CHORDC1: variants seen among roughly 807,000 people sequenced by gnomAD.
CHORDC1 encodes cysteine and histidine rich domain containing 1, also known as cysteine and histidine-rich domain-containing protein 1.
In CHORDC1, 25 loss-of-function variants were observed where a neutral mutation model predicts 48.3. The ratio of observed to expected loss-of-function variants is 0.52; its 90% CI spans 0.38 to 0.72. CHORDC1 has a LOEUF of 0.72. Among genes scored for constraint, CHORDC1 ranks in the 30% least tolerant of loss-of-function variants. The probability of loss-of-function intolerance (pLI) is 0.00; values close to 1 mark genes in which losing one functional copy is unlikely to be tolerated. For synonymous variants in CHORDC1, 128 were observed against 126.4 expected (o/e 1.01, Z -0.09); for missense variants, 317 against 388.7 (o/e 0.82, Z 1.55).
At chr11:90,217,917 G>T in intron 2 of CHORDC1, 2 of 281,746 alleles carry the variant, frequency 7.1e-6, no homozygotes, top group Non-Finnish European at 1.3e-5. Context: ...AAAAAACCCA[G>T]AATTAAAATA....
intron 3 of CHORDC1, among the ~76,000 whole-genome samples, chr11:90,214,858 G>GAT (rs1022867956): frequency 2.0e-5 from 3 of 151,990 alleles, no homozygotes; most frequent in Non-Finnish European, 4.4e-5. Context: ...CAGCATCTTA[G>GAT]ATAAAACTTT....
At chr11:90,206,665 A>G in intron 6 of CHORDC1, 1 of 570,896 alleles carries the variant, frequency 1.8e-6, no homozygotes, top group Non-Finnish European at 2.8e-6. Context: ...GTCAAATAAT[A>G]TGAGAAATCT....
At chr11:90,214,505 G>A (rs895745564) in intron 3 of CHORDC1, among the ~76,000 whole-genome samples, 3 of 151,606 alleles carry the variant, frequency 2.0e-5, no homozygotes, top group South Asian at 2.1e-4. Context: ...TCTGTTACTC[G>A]AAAGGCCTCA....
At chr11:90,219,948 T>C (rs1807010205) in intron 1 of CHORDC1, among the ~76,000 whole-genome samples, 1 of 152,240 alleles carries the variant, frequency 6.6e-6, no homozygotes, top group Non-Finnish European at 1.5e-5. Context: ...TTCAATGCTC[T>C]ACAACAACCT....
Position 90,201,023 on chromosome 11 carries a change from C to T in CHORDC1, c.*1382G>A, listed in dbSNP as rs1346927372. 2 of 151,870 alleles carry T rather than the reference C, an allele frequency of 1.3e-5. No homozygotes were observed. The highest frequency in any genetic ancestry group is 2.9e-5 in the Non-Finnish European group (2 of 67,828). 9.4% of individuals were successfully genotyped at this position (151,870 alleles called of 1,614,324 possible). ...CATCATGAAAGTCTGGTTGCCAGAT[C>T]TTTATGTTTTTATTTGTAACAGAGC... On this transcript the variant is annotated 3_prime_UTR_variant, in exon 11 of 11. Transcript: ENST00000320585.
Position 90,200,600 on chromosome 11 carries a change from C to T in CHORDC1, c.*1805G>A, listed in dbSNP as rs1327008914. On this transcript the variant is annotated 3_prime_UTR_variant, in exon 11 of 11. Transcript: ENST00000320585. ...AGGCTCCTTAAGAAGAAAGTAAATA[C>T]CATGGTCACTAATGTAACCAGACTA... Among the ~76,000 whole-genome samples the T allele has an allele frequency of 6.6e-6, 1 of 151,852 alleles. No individual in the cohort carries two copies. Among genetic ancestry groups the T allele is most frequent in the Non-Finnish European group, 1.5e-5 (1 of 67,854 alleles).
intron 9 of CHORDC1, 82 bp from the exon 10 acceptor site, chr11:90,202,957 G>T: frequency 7.0e-7 from 1 of 1,427,182 alleles, no homozygotes; most frequent in South Asian, 1.4e-5. Flanking sequence ...AAATAAGACT[G>T]ACAAAAATGA....
chr11:90,222,728 C>T (rs1858206825), intron 1 of CHORDC1, 163 bp downstream of exon 1: 2 of 730,834 alleles, frequency 2.7e-6, no homozygotes, highest in East Asian at 2.7e-5. Context: ...AACAGAGGGG[C>T]GGCCGGCGGG....
In CHORDC1 at chr11:90,205,494, G is replaced by A; in HGVS notation, c.635C>T (p.Thr212Ile). ...TTTAGTCCACATGTGTTTCCCTTTTGTACAGCCCTCTTGGGCTAAGAATGT... is the reference window on the plus strand; with the variant it reads ...TTTAGTCCACATGTGTTTCCCTTTTATACAGCCCTCTTGGGCTAAGAATGT... ...FNTFLAQEGCTKGKHMWTKKD... is the reference protein window; with the variant it reads ...FNTFLAQEGCIKGKHMWTKKD... Residue 212 changes from threonine to isoleucine, a missense_variant, in exon 8 of 11, where the codon ACA (threonine) becomes ATA (isoleucine). By Grantham distance (89) the Thr-to-Ile change is moderately conservative. Coordinates refer to ENST00000320585, the MANE Select transcript of CHORDC1 (RefSeq NM_012124.3). 1 of 1,607,162 alleles carries A rather than the reference G, an allele frequency of 6.2e-7. No individual in the cohort carries two copies. Among genetic ancestry groups the A allele is most frequent in the South Asian group, 1.1e-5 (1 of 89,192 alleles).
At chr11:90,218,819 C>T (rs1433516375) in intron 1 of CHORDC1, among the ~76,000 whole-genome samples, 2 of 152,102 alleles carry the variant, frequency 1.3e-5, no homozygotes, top group African/African-American at 2.4e-5. Flanking sequence ...CTCTGCCTGG[C>T]GGCAGCCCTG....
intron 1 of CHORDC1, chr11:90,222,575 C>A: frequency 3.4e-6 from 2 of 585,698 alleles, no homozygotes; most frequent in South Asian, 3.1e-5. Context: ...AGAGGAGAAA[C>A]GTGTTCGTTC....
intron 2 of CHORDC1, 105 bp downstream of exon 2, chr11:90,218,027 TAAG>T (rs888345537): frequency 5.3e-6 from 4 of 759,868 alleles, no homozygotes; most frequent in Non-Finnish European, 6.0e-6. Flanking sequence ...CAAAGGTCAT[TAAG>T]AAGAAAGTCA....
chr11:90,222,804 G>A, intron 1 of CHORDC1, 87 bp downstream of exon 1: 3 of 1,226,988 alleles, frequency 2.4e-6, no homozygotes, highest in Non-Finnish European at 3.6e-6. Flanking sequence ...GACGGCTGCA[G>A]GAGATCCGCG....
intron 1 of CHORDC1, chr11:90,222,551 G>C: frequency 1.9e-6 from 1 of 524,104 alleles, no homozygotes; most frequent in South Asian, 1.6e-5. Context: ...TGCTTCCCCA[G>C]AGACTGGAGG....
In CHORDC1 at chr11:90,222,824, C is replaced by T. The variant is rs575262803; in HGVS notation, c.64+67G>A. ...CTGCAGGAGATCCGCGGACACCCTC[C>T]GGCCCAAAGGGCCTCCCCTGCTGAT... On this transcript the variant is annotated intron_variant, in intron 1 of 10. Coordinates refer to ENST00000320585, the MANE Select transcript of CHORDC1 (RefSeq NM_012124.3). The T allele has an allele frequency of 7.1e-5, 101 of 1,427,108 alleles. 2 individuals are homozygous for T. Among genetic ancestry groups the T allele is most frequent in the Middle Eastern group, 5.5e-4 (3 of 5,416 alleles). The allele number at this position is 1,427,108 out of a possible 1,614,324, so 88.4% of individuals were successfully genotyped here. A position where few individuals can be genotyped will look rare whatever the true frequency, so the allele number is the denominator to read the frequency against.
chr11:90,205,848 A>G (rs1857665916), intron 7 of CHORDC1: 1 of 450,938 alleles, frequency 2.2e-6, no homozygotes, highest in African/African-American at 2.0e-5. Flanking sequence ...GTCTTGGGAT[A>G]ATGTTGTCTT....
chr11:90,214,349 CTGAA>C (rs1215327272), intron 3 of CHORDC1, among the ~76,000 whole-genome samples, 174 bp from the exon 4 acceptor site: 1 of 152,100 alleles, frequency 6.6e-6, no homozygotes, highest in Non-Finnish European at 1.5e-5. Context: ...TGCTGAATCT[CTGAA>C]TGACGGCTTT....
At chr11:90,202,989 G>T in intron 9 of CHORDC1, 114 bp from the exon 10 acceptor site, 1 of 1,268,196 alleles carries the variant, frequency 7.9e-7, no homozygotes, top group Non-Finnish European at 1.1e-6. Flanking sequence ...TTAAGAAACT[G>T]CCAATACTGT....
intron 4 of CHORDC1, chr11:90,213,356 CT>C (rs762162468): frequency 7.9e-6 from 5 of 635,308 alleles, no homozygotes; most frequent in South Asian, 3.6e-5. Flanking sequence ...AAAAAATCAC[CT>C]TTTTTTAAGT....
Sources: allele counts gnomAD v4.1 joint callset (sites outside exome capture counted in the v4.1 genomes callset), GRCh38; gene constraint gnomAD v4.1.1; transcripts MANE v1.5; gene names NCBI Gene and HGNC (gene_info 2026-07-23, HGNC 2026-07-21).